The following PRELID2 variants were observed in gnomAD, a reference collection of about 807,000 sequenced individuals.
PRELID2 encodes PRELI domain containing 2.
PRELID2 carries 25 observed loss-of-function variants against 28.4 expected under a neutral mutation model. That is an observed-to-expected ratio of 0.88 (90% CI 0.64 to 1.23). The LOEUF is 1.23. Ranked by LOEUF, PRELID2 falls within the 50% of genes most tolerant of loss-of-function variation. The probability of loss-of-function intolerance (pLI) is 0.00; values close to 1 mark genes in which losing one functional copy is unlikely to be tolerated. For synonymous variants in PRELID2, 76 were observed against 71.6 expected, an observed-to-expected ratio of 1.06 and a Z score of -0.31; for missense variants, 201 against 214.4, an observed-to-expected ratio of 0.94 and a Z score of 0.39.
At chr5:145,527,967 G>T (rs1752623405) in intron 1 of PRELID2, among the ~76,000 whole-genome samples, 1 of 151,992 alleles carries the variant, frequency 6.6e-6, no homozygotes, top group Non-Finnish European at 1.5e-5. Flanking sequence ...ACCATCATCT[G>T]CTTTAACCAT....
chr5:145,742,326 A>T (rs866873504), intron 1 of PRELID2, among the ~76,000 whole-genome samples: 2,487 of 136,590 alleles, frequency 0.018, 48 homozygotes, highest in African/African-American at 0.031. Context: ...AAAAATAGAT[A>T]TATTTTTTTT....
At chr5:145,667,977 T>C (rs145090676) in intron 1 of PRELID2, among the ~76,000 whole-genome samples, 1 of 152,226 alleles carries the variant, frequency 6.6e-6, no homozygotes, top group East Asian at 1.9e-4. Context: ...TATTTCAGGC[T>C]TGATGCGCAA....
At chr5:145,415,986 G>C in the PRELID2 span, among the ~76,000 whole-genome samples, 1 of 152,064 alleles carries the variant, frequency 6.6e-6, no homozygotes, top group Admixed American at 6.6e-5. Context: ...ACTGGTGTGA[G>C]ATGGTATCTC....
At chr5:145,426,511 T>C in the PRELID2 span, among the ~76,000 whole-genome samples, 1 of 152,218 alleles carries the variant, frequency 6.6e-6, no homozygotes, top group Non-Finnish European at 1.5e-5. Flanking sequence ...ATCTGGGTTA[T>C]TCATTTCTTT....
At chr5:145,348,513 T>C in the PRELID2 span, among the ~76,000 whole-genome samples, 1 of 152,138 alleles carries the variant, frequency 6.6e-6, no homozygotes, top group Admixed American at 6.6e-5. Flanking sequence ...AAACATTCTA[T>C]ACCTGCCATT....
At chr5:145,405,899 G>T in the PRELID2 span, among the ~76,000 whole-genome samples, 1 of 151,768 alleles carries the variant, frequency 6.6e-6, no homozygotes, top group Non-Finnish European at 1.5e-5. Flanking sequence ...TAGAGACGGG[G>T]TTTCACCGTT....
intron 1 of PRELID2, among the ~76,000 whole-genome samples, chr5:145,726,242 A>AG (rs797001999): frequency 3.0e-5 from 3 of 101,230 alleles, no homozygotes; most frequent in African/African-American, 3.9e-5. Context: ...GGAAGGAGGG[A>AG]GGGAGGGAGG....
At chr5:145,428,782 G>A in the PRELID2 span, among the ~76,000 whole-genome samples, 1 of 152,178 alleles carries the variant, frequency 6.6e-6, no homozygotes, top group Non-Finnish European at 1.5e-5. Flanking sequence ...AGAAGTCACT[G>A]GGGTAGAAAT....
chr5:145,320,891 T>C, the PRELID2 span, among the ~76,000 whole-genome samples: 1 of 152,234 alleles, frequency 6.6e-6, no homozygotes, highest in Non-Finnish European at 1.5e-5. Context: ...GTTACTGGAA[T>C]TATTAACTAC....
intron 1 of PRELID2, among the ~76,000 whole-genome samples, chr5:145,825,253 A>C (rs200409338): frequency 7.0e-6 from 1 of 143,878 alleles, no homozygotes; most frequent in African/African-American, 2.5e-5. Context: ...AAAAAAAAAA[A>C]AAAAAAACTT....
intron 1 of PRELID2, among the ~76,000 whole-genome samples, chr5:145,646,912 G>T (rs988185102): frequency 2.0e-5 from 3 of 152,130 alleles, no homozygotes; most frequent in Non-Finnish European, 4.4e-5. Context: ...AATGGCACCT[G>T]CCAGATGCCG....
At chr5:145,561,233 A>G (rs1752922726) in intron 1 of PRELID2, among the ~76,000 whole-genome samples, 1 of 152,210 alleles carries the variant, frequency 6.6e-6, no homozygotes, top group East Asian at 1.9e-4. Flanking sequence ...AATTCTTTGA[A>G]TGCAAATACA....
intron 1 of PRELID2, chr5:145,728,245 A>C (rs1456918963): frequency 4.5e-6 from 1 of 224,266 alleles, no homozygotes; most frequent in African/African-American, 2.3e-5. Context: ...GTTAGTCTTC[A>C]TCTATCCCTG....
intron 5 of PRELID2, among the ~76,000 whole-genome samples, chr5:145,780,789 G>C (rs2149794143): frequency 6.6e-6 from 1 of 152,136 alleles, no homozygotes; most frequent in South Asian, 2.1e-4. Context: ...CCCTGATTGA[G>C]GAAATTTTAA....
chr5:145,422,305 G>A, the PRELID2 span, among the ~76,000 whole-genome samples: 24 of 144,798 alleles, frequency 1.7e-4, no homozygotes, highest in Admixed American at 4.1e-4. Context: ...TTTCTGTCTC[G>A]TTGATGTGTC....
intron 1 of PRELID2, among the ~76,000 whole-genome samples, chr5:145,563,358 C>G (rs1313216862): frequency 6.6e-6 from 1 of 152,174 alleles, no homozygotes; most frequent in Non-Finnish European, 1.5e-5. Context: ...ATGTGAGCTC[C>G]TGGATCCACA....
chr5:145,388,949 G>GT, the PRELID2 span, among the ~76,000 whole-genome samples: 2 of 151,694 alleles, frequency 1.3e-5, no homozygotes, highest in African/African-American at 2.4e-5. Context: ...TATTTATTTT[G>GT]CTTTTTTCTA....
At chr5:145,452,115 C>A in the PRELID2 span, among the ~76,000 whole-genome samples, 1 of 152,152 alleles carries the variant, frequency 6.6e-6, no homozygotes. Context: ...CCAGACATAT[C>A]CTTCTATGTG....
At chr5:145,281,578 G>C in the PRELID2 span, among the ~76,000 whole-genome samples, 1 of 152,154 alleles carries the variant, frequency 6.6e-6, no homozygotes, top group Non-Finnish European at 1.5e-5. Context: ...AAATAAGACA[G>C]TAATGACAAC....
Sources: gnomAD v4.1 joint callset for allele counts (sites outside exome capture counted in the v4.1 genomes callset) on GRCh38, gnomAD v4.1.1 for gene constraint, MANE v1.5 for transcripts, NCBI Gene and HGNC (gene_info 2026-07-23, HGNC 2026-07-21) for gene names.